The following NRIP2 variants were observed in gnomAD, a reference collection of about 807,000 sequenced individuals.
NRIP2 encodes the protein nuclear receptor interacting protein 2, also known as nuclear receptor-interacting protein 2.
NRIP2 carries 27 observed loss-of-function variants against 34.1 expected under a neutral mutation model. The observed-to-expected ratio is 0.79, with a 90% CI of 0.58 to 1.09. The LOEUF (loss-of-function observed/expected upper bound fraction) is 1.09, where lower values mean the gene tolerates loss of function less well. Among genes scored for constraint, NRIP2 ranks in the 50% least tolerant of loss-of-function variants. NRIP2 has a pLI of 0.00. For missense variants in NRIP2, 385 were observed against 352.6 expected (o/e 1.09, Z -0.74); for synonymous variants, 145 against 146.9 (o/e 0.99, Z 0.09).
At position 2,827,465 on chromosome 12, in the gene NRIP2, T is replaced by G; in HGVS notation, c.753+160A>C. ...GTTGAAGGGGGTGACCCAGTTCTCT[T>G]GATTTTTCACTTGGTGGTAAGTAAG... On this transcript the variant is annotated intron_variant, in intron 5 of 5. Transcript: ENST00000337508. The surrounding 1 kb of genome is among the most constrained non-coding windows in gnomAD (Gnocchi z 4.0). 1 of 985,396 alleles carries G rather than the reference T, an allele frequency of 1.0e-6. No individual in the cohort carries two copies. The highest frequency in any genetic ancestry group is 4.7e-5 in the South Asian group (1 of 21,280). The allele number at this position is 985,396 out of a possible 1,614,324, so 61.0% of individuals were successfully genotyped here.
chr12:2,834,088 G>A (rs562492042), intron 1 of NRIP2, among the ~76,000 whole-genome samples: 4 of 152,336 alleles, frequency 2.6e-5, no homozygotes, highest in African/African-American at 9.6e-5. Flanking sequence ...GAGGAGCCTG[G>A]AAGGTCCATT....
At position 2,827,494 on chromosome 12, in the gene NRIP2, C is replaced by T; in HGVS notation, c.753+131G>A. 6.4e-7 allele frequency: 1 copy of T among 1,553,158 alleles called. No individual in the cohort carries two copies. Among genetic ancestry groups the T allele is most frequent in the Non-Finnish European group, 8.7e-7 (1 of 1,155,886 alleles). On this transcript the variant is annotated intron_variant, in intron 5 of 5. Transcript: ENST00000337508. This position sits in a 1 kb window ranked among gnomAD's most constrained non-coding sequence, Gnocchi z 4.0. ...TTTTCACTTGGTGGTAAGTAAGGAA[C>T]CTCTAAGGAAGCAAAGGGACAGTTG... is the stretch of plus-strand genomic sequence containing the variant.
rs1235922579 is a variant in NRIP2, at chr12:2,827,375, CT to C, written c.754-77del. On this transcript the variant is annotated intron_variant, in intron 5 of 5. Transcript: ENST00000337508. This position sits in a 1 kb window ranked among gnomAD's most constrained non-coding sequence, Gnocchi z 4.0. ...TCCCGGCCTGCTCCTTTTGTTCCCCCTCCCACTTCCCACAGCTTCCACCTGC... is the reference window on the plus strand; with the variant it reads ...TCCCGGCCTGCTCCTTTTGTTCCCCCCCCACTTCCCACAGCTTCCACCTGC... 2.6e-6 allele frequency: 4 copies of C among 1,543,096 alleles called. No individual in the cohort carries two copies. The highest frequency in any genetic ancestry group is 3.5e-6 in the Non-Finnish European group (4 of 1,150,426).
At position 2,827,171 on chromosome 12, in the gene NRIP2, A is replaced by G; in HGVS notation, c.*36T>C. The G allele has an allele frequency of 6.2e-7, 1 of 1,613,664 alleles. No individual in the cohort carries two copies. Among genetic ancestry groups the G allele is most frequent in the East Asian group, 2.2e-5 (1 of 44,854 alleles). ...CCCCACACGCCTCTTCTTCTAAGGC[A>G]AGGTCTTTCCCTCTGGGGACTGACT... On this transcript the variant is annotated 3_prime_UTR_variant, in exon 6 of 6. Transcript: ENST00000337508. The surrounding 1 kb of genome is among the most constrained non-coding windows in gnomAD (Gnocchi z 4.0).
At position 2,827,717 on chromosome 12, in the gene NRIP2, C is replaced by T. The variant is rs2097975677; in HGVS notation, c.701-40G>A. The T allele has an allele frequency of 7.4e-6, 12 of 1,613,196 alleles. No homozygotes were observed. Among genetic ancestry groups the T allele is most frequent in the Non-Finnish European group, 1.0e-5 (12 of 1,179,996 alleles). On this transcript the variant is annotated intron_variant, in intron 4 of 5. Coordinates refer to ENST00000337508, the MANE Select transcript of NRIP2 (RefSeq NM_031474.3). This position sits in a 1 kb window ranked among gnomAD's most constrained non-coding sequence, Gnocchi z 4.0. ...TGAAAACAGAAGAGGCTGAGGGTTC[C>T]CAGTGGTCACTGCTGCCCTCCTCTT...
At position 2,830,871 on chromosome 12, in the gene NRIP2, C is replaced by G. The variant is rs371536937; in HGVS notation, c.343-11G>C. On this transcript the variant is annotated splice_polypyrimidine_tract_variant and intron_variant, in intron 1 of 5. Coordinates refer to ENST00000337508, the MANE Select transcript of NRIP2 (RefSeq NM_031474.3). ...CACACTGCGCGGCTGCTGGCTCCAT[C>G]ACAAAACAATGAAGGTAGGCAGTTC... The G allele has an allele frequency of 1.1e-5, 17 of 1,610,356 alleles. No homozygotes were observed. In the African/African-American group the frequency reaches 2.1e-4, roughly 20 times the overall value.
At chr12:2,830,517 A>T in intron 2 of NRIP2, 191 bp downstream of exon 2, 1 of 549,614 alleles carries the variant, frequency 1.8e-6, no homozygotes, top group Non-Finnish European at 3.2e-6. Flanking sequence ...TGACAGATGG[A>T]GTTGCACCGA....
At chr12:2,833,293 C>T (rs553763009) in intron 1 of NRIP2, among the ~76,000 whole-genome samples, 13 of 152,250 alleles carry the variant, frequency 8.5e-5, no homozygotes, top group South Asian at 4.1e-4. Context: ...AGCCGAAGAA[C>T]CCGCTTCCCT....
intron 1 of NRIP2, 86 bp from the exon 2 acceptor site, chr12:2,830,946 A>G (rs1199356456): frequency 6.9e-7 from 1 of 1,449,180 alleles, no homozygotes; most frequent in African/African-American, 1.4e-5. Context: ...ATACCCCAGG[A>G]TGCTCCCCCC....
chr12:2,831,595 C>A (rs866220319), intron 1 of NRIP2, among the ~76,000 whole-genome samples: 61 of 150,800 alleles, frequency 4.0e-4, no homozygotes, highest in South Asian at 1.5e-3. Context: ...AAAAAAAAAA[C>A]CAAACAAAAA....
chr12:2,834,819 C>T lies in NRIP2; in HGVS notation c.165G>A (p.Gln55=), dbSNP rs770243940. The T allele has an allele frequency of 1.7e-5, 27 of 1,613,670 alleles. No individual in the cohort carries two copies. Among genetic ancestry groups the T allele is most frequent in the Non-Finnish European group, 2.1e-5 (25 of 1,179,980 alleles). The change falls in exon 1 of 6, where the codon CAG becomes CAA. Residue 55 remains glutamine, a synonymous_variant. Coordinates refer to ENST00000337508, the MANE Select transcript of NRIP2 (RefSeq NM_031474.3). The stretch of plus-strand genomic sequence containing the variant: ...CTTCTCCCTCATCTCTCCTGGCCTC[C>T]TGCTTGGTGCTCATGGCCCCTGCTG... ...TPPAGAMSTK[Q]EARRDEGEAR... is the part of the protein sequence containing the mutation.
At chr12:2,832,055 C>T (rs2153926281) in intron 1 of NRIP2, among the ~76,000 whole-genome samples, 1 of 152,196 alleles carries the variant, frequency 6.6e-6, no homozygotes, top group Middle Eastern at 3.4e-3. Flanking sequence ...CCTTGCTACT[C>T]CAAAATGTGG....
Position 2,834,629 on chromosome 12 carries a change from G to A in NRIP2, c.342+13C>T, listed in dbSNP as rs371288932. 2 of 1,570,094 alleles carry A rather than the reference G, an allele frequency of 1.3e-6. No homozygotes were observed. The highest frequency in any genetic ancestry group is 1.7e-6 in the Non-Finnish European group (2 of 1,158,538). On this transcript the variant is annotated intron_variant, in intron 1 of 5. Coordinates refer to ENST00000337508, the MANE Select transcript of NRIP2 (RefSeq NM_031474.3). ...GGCCAGGGGACGCTGGCAGGGGAGG[G>A]GTGATGCCTCACCAAGTCCTTGGAG...
At chr12:2,832,689 C>T (rs1053581577) in intron 1 of NRIP2, among the ~76,000 whole-genome samples, 3 of 150,598 alleles carry the variant, frequency 2.0e-5, no homozygotes, top group African/African-American at 7.4e-5. Flanking sequence ...CCCCATTAGC[C>T]TGGAGAGCGC....
At chr12:2,832,900 C>A (rs1308491456) in intron 1 of NRIP2, among the ~76,000 whole-genome samples, 1 of 151,566 alleles carries the variant, frequency 6.6e-6, no homozygotes, top group Non-Finnish European at 1.5e-5. Flanking sequence ...GCAAGGCTGC[C>A]AGCAGTAGAC....
chr12:2,830,997 G>A (rs2153926161), intron 1 of NRIP2, 137 bp from the exon 2 acceptor site: 1 of 785,540 alleles, frequency 1.3e-6, no homozygotes, highest in Admixed American at 3.9e-5. Flanking sequence ...GTTTACCCTA[G>A]GGTCCCAGAT....
At chr12:2,834,125 T>C in intron 1 of NRIP2, among the ~76,000 whole-genome samples, 1 of 152,136 alleles carries the variant, frequency 6.6e-6, no homozygotes, top group Non-Finnish European at 1.5e-5. Flanking sequence ...GGAGCAGCAC[T>C]CAAGGCGGCC....
In NRIP2 at chr12:2,827,045, G is replaced by T. The variant is rs537684216; in HGVS notation, c.*162C>A. ...AGGACAGCTGCTGAGAAGCAGAGAG[G>T]AATGCGGCCAGCTGGGGAAAATGGG... On this transcript the variant is annotated 3_prime_UTR_variant, in exon 6 of 6. Coordinates refer to ENST00000337508, the MANE Select transcript of NRIP2 (RefSeq NM_031474.3). This position sits in a 1 kb window ranked among gnomAD's most constrained non-coding sequence, Gnocchi z 4.0. The T allele has an allele frequency of 2.7e-6, 4 of 1,467,300 alleles. No individual in the cohort carries two copies. Among genetic ancestry groups the T allele is most frequent in the Non-Finnish European group, 3.6e-6 (4 of 1,117,966 alleles). 90.9% of individuals were successfully genotyped at this position (1,467,300 alleles called of 1,614,324 possible). A position where few individuals can be genotyped will look rare whatever the true frequency, so the allele number is the denominator to read the frequency against.
At chr12:2,833,980 T>C (rs2098015727) in intron 1 of NRIP2, among the ~76,000 whole-genome samples, 1 of 152,218 alleles carries the variant, frequency 6.6e-6, no homozygotes. Context: ...GGGGAATGCC[T>C]GAATCTGCAG....
Sources: allele counts gnomAD v4.1 joint callset (sites outside exome capture counted in the v4.1 genomes callset), GRCh38; gene constraint gnomAD v4.1.1; non-coding constraint Gnocchi (gnomAD v3.1); transcripts MANE v1.5; gene names NCBI Gene and HGNC (gene_info 2026-07-23, HGNC 2026-07-21).